Variants in BBS7 observed in about 807,000 individuals in gnomAD.
The protein encoded by BBS7 is Bardet-Biedl syndrome 7.
Under a neutral mutation model 90.3 loss-of-function variants are expected in BBS7, and 50 were observed. The observed-to-expected ratio is 0.55, with a 90% CI of 0.44 to 0.70. The LOEUF is 0.70. BBS7 is among the 30% of genes least tolerant of loss of function. The pLI is 0.00. For missense variants in BBS7, 729 were observed against 838.9 expected (o/e 0.87, Z 1.62); for synonymous variants, 235 against 287.4 (o/e 0.82, Z 1.85).
intron 7 of BBS7, 32 bp from the exon 8 acceptor site, chr4:121,853,118 G>A: frequency 5.0e-6 from 8 of 1,602,722 alleles, no homozygotes; most frequent in Non-Finnish European, 6.8e-6. Flanking sequence ...AAGTTATTAA[G>A]AAGACTAATA....
In BBS7 at chr4:121,828,516, T is replaced by C. The variant is rs779593410; in HGVS notation, c.1787-11A>G. 3.7e-6 allele frequency: 6 copies of C among 1,601,524 alleles called. No individual in the cohort carries two copies. Among genetic ancestry groups the C allele is most frequent in the Middle Eastern group, 1.7e-4 (1 of 6,028 alleles). On this transcript the variant is annotated splice_polypyrimidine_tract_variant and intron_variant, in intron 16 of 18. Coordinates refer to ENST00000264499, the MANE Select transcript of BBS7 (RefSeq NM_176824.3). ...ATACTTCATTTATCTCTAGAAGGAG[T>C]TGACCAGATGCAGTTAGATAAATCA...
At chr4:121,835,974 CAA>C (rs962345775) in intron 13 of BBS7, among the ~76,000 whole-genome samples, 1 of 151,760 alleles carries the variant, frequency 6.6e-6, no homozygotes, top group African/African-American at 2.4e-5. Flanking sequence ...CGTACATGTA[CAA>C]AAAAAGAGAG....
At chr4:121,846,059 A>C (rs533254021) in intron 10 of BBS7, among the ~76,000 whole-genome samples, 5 of 152,262 alleles carry the variant, frequency 3.3e-5, no homozygotes, top group South Asian at 2.1e-4. Context: ...CTAATATTGC[A>C]GAACATATTA....
chr4:121,829,150 T>C (rs1436550909), intron 15 of BBS7, among the ~76,000 whole-genome samples: 2 of 152,218 alleles, frequency 1.3e-5, no homozygotes, highest in African/African-American at 2.4e-5. Flanking sequence ...AAAAGAAATC[T>C]GATATCAAAT....
At chr4:121,862,368 T>G (rs941576842) in intron 3 of BBS7, among the ~76,000 whole-genome samples, 1 of 152,178 alleles carries the variant, frequency 6.6e-6, no homozygotes. Flanking sequence ...TGACTTTATA[T>G]ACAGAGAATA....
At chr4:121,845,788 CA>C in intron 10 of BBS7, 92 bp from the exon 11 acceptor site, 1 of 1,252,372 alleles carries the variant, frequency 8.0e-7, no homozygotes, top group African/African-American at 1.5e-5. Flanking sequence ...TTTGCTTTTA[CA>C]AAATGGGTTT....
intron 15 of BBS7, among the ~76,000 whole-genome samples, chr4:121,831,746 T>A (rs995634011): frequency 6.6e-6 from 1 of 152,144 alleles, no homozygotes; most frequent in African/African-American, 2.4e-5. Context: ...CCAATTAGAT[T>A]TCTGAAGAGT....
intron 11 of BBS7, among the ~76,000 whole-genome samples, 159 bp downstream of exon 11, chr4:121,845,345 G>A (rs1249390622): frequency 6.6e-6 from 1 of 151,892 alleles, no homozygotes; most frequent in Admixed American, 6.6e-5. Flanking sequence ...TCCAGTCTAG[G>A]TGACAGAGTA....
intron 3 of BBS7, 109 bp from the exon 4 acceptor site, chr4:121,861,788 C>A: frequency 6.9e-6 from 7 of 1,018,620 alleles, no homozygotes; most frequent in Non-Finnish European, 1.0e-5. Context: ...ATTATAGTTC[C>A]ACTATATAGA....
Position 121,859,171 on chromosome 4 carries a change from A to G in BBS7, c.349T>C (p.Ser117Pro). Residue 117 changes from serine (S) to proline (P), a missense_variant, in exon 5 of 19, where the codon TCT becomes CCT. Ser to Pro is a moderately conservative substitution (Grantham distance 74). Coordinates refer to ENST00000264499, the MANE Select transcript of BBS7 (RefSeq NM_176824.3). The stretch of plus-strand genomic sequence containing the variant: ...GCACTGAGAAAGAGGTCTGAGCCAG[A>G]TATGTGCCTGAGAACATTAAAATAG... ...LTESIKAMHISGSDLFLSASY... is the reference protein window; with the variant it reads ...LTESIKAMHIPGSDLFLSASY... 6.2e-7 allele frequency: 1 copy of G among 1,613,672 alleles called. No homozygotes were observed. The highest frequency in any genetic ancestry group is 8.5e-7 in the Non-Finnish European group (1 of 1,179,606).
chr4:121,836,164 A>G (rs550570284), intron 13 of BBS7, among the ~76,000 whole-genome samples: 2 of 152,338 alleles, frequency 1.3e-5, no homozygotes, highest in Non-Finnish European at 2.9e-5. Context: ...AGAATTCAAC[A>G]TACTTAACAG....
chr4:121,855,696 G>T (rs1447728953), intron 5 of BBS7, 135 bp from the exon 6 acceptor site: 1 of 808,188 alleles, frequency 1.2e-6, no homozygotes, highest in Non-Finnish European at 2.0e-6. Context: ...ATTAGGTTAC[G>T]AATACAACTT....
At chr4:121,842,674 T>C (rs1488845316) in intron 12 of BBS7, among the ~76,000 whole-genome samples, 1 of 151,966 alleles carries the variant, frequency 6.6e-6, no homozygotes, top group Non-Finnish European at 1.5e-5. Context: ...ATAAATAAAA[T>C]ATATTCTGCA....
rs1726513224 is a variant in BBS7 at position 121,854,796 on chromosome 4, A to G, written c.626T>C (p.Phe209Ser). ...NGGDSGEDLL[F>S]GTSDGKLALI... ...CGCAAGTTTTCCGTCTGATGTCCCA[A>G]ACAAAAGGTCTTCTCCAGAGTCACC... Residue 209 changes from phenylalanine to serine, a missense_variant, in exon 7 of 19, where the codon TTT (phenylalanine) becomes TCT (serine). Transcript: ENST00000264499. 1 of 1,612,382 alleles carries G rather than the reference A, an allele frequency of 6.2e-7. No individual in the cohort carries two copies. The highest frequency in any genetic ancestry group is 1.7e-5 in the Admixed American group (1 of 59,996).
intron 12 of BBS7, among the ~76,000 whole-genome samples, chr4:121,841,506 C>T (rs1460794924): frequency 6.6e-6 from 1 of 151,938 alleles, no homozygotes; most frequent in Non-Finnish European, 1.5e-5. Flanking sequence ...TTTCAGGCTG[C>T]AATAAGCTAT....
intron 2 of BBS7, among the ~76,000 whole-genome samples, chr4:121,864,440 AAAC>A (rs1727152531): frequency 6.6e-6 from 1 of 152,260 alleles, no homozygotes; most frequent in African/African-American, 2.4e-5. Context: ...CCAGGACATT[AAAC>A]AAGTTGCAAA....
At position 121,845,527 on chromosome 4, in the gene BBS7, C is replaced by T. The variant is rs761858167; in HGVS notation, c.1207G>A (p.Ala403Thr). 2.5e-6 allele frequency: 4 copies of T among 1,611,992 alleles called. No individual in the cohort carries two copies. The highest frequency in any genetic ancestry group is 3.4e-6 in the Non-Finnish European group (4 of 1,179,116). ...SYSLILEVQT[A>T]IDNVLIQSDV... is the part of the protein sequence containing the mutation. ...ACCTGTATTAAGACATTATCTATTG[C>T]AGTCTGTACCTCTAAGATAAGGCTG... is the stretch of plus-strand genomic sequence containing the variant. The change falls in exon 11 of 19, where the codon GCA becomes ACA. Residue 403 changes from alanine to threonine, a missense_variant. Physicochemically the swap from Ala to Thr is moderately conservative, Grantham distance 58 (BLOSUM62 0). Transcript: ENST00000264499.
intron 14 of BBS7, 114 bp from the exon 15 acceptor site, chr4:121,833,509 C>T (rs1263402266): frequency 7.2e-6 from 7 of 972,792 alleles, no homozygotes; most frequent in African/African-American, 3.3e-5. Flanking sequence ...TGAAAACATT[C>T]AATTTTCTCA....
At chr4:121,847,622 C>A in intron 9 of BBS7, 116 bp from the exon 10 acceptor site, 1 of 751,408 alleles carries the variant, frequency 1.3e-6, no homozygotes, top group Non-Finnish European at 2.4e-6. Flanking sequence ...CCAATATCAG[C>A]CTAACTTAAC....
Sources: allele counts gnomAD v4.1 joint callset (sites outside exome capture counted in the v4.1 genomes callset), GRCh38; gene constraint gnomAD v4.1.1; transcripts MANE v1.5; gene names NCBI Gene and HGNC (gene_info 2026-07-23, HGNC 2026-07-21).